Variants in GRAMD1B observed in about 807,000 individuals in gnomAD.
The protein encoded by GRAMD1B is GRAM domain containing 1B, also known as protein Aster-B.
A neutral mutation model predicts 99.7 loss-of-function variants in GRAMD1B; 37 were observed. The ratio of observed to expected loss-of-function variants is 0.37; its 90% CI spans 0.29 to 0.49. GRAMD1B has a LOEUF of 0.49. Ranked by LOEUF, GRAMD1B falls within the 20% of genes least tolerant of loss-of-function variation. The pLI, the probability that GRAMD1B is intolerant of heterozygous loss-of-function variation, is 0.98. For missense variants in GRAMD1B, 888 were observed against 1,009.2 expected, an observed-to-expected ratio of 0.88 and a Z score of 1.63; for synonymous variants, 427 against 387.6, an observed-to-expected ratio of 1.10 and a Z score of -1.19.
chr11:123,620,373 C>T (rs12362599), intron 19 of GRAMD1B, among the ~76,000 whole-genome samples: 1 of 139,466 alleles, frequency 7.2e-6, no homozygotes, highest in Non-Finnish European at 1.5e-5. Context: ...ACTTGGGAGG[C>T]TAAGGCAGGA....
At chr11:123,488,578 G>A (rs1256721276) in intron 2 of GRAMD1B, among the ~76,000 whole-genome samples, 21 of 152,204 alleles carry the variant, frequency 1.4e-4, no homozygotes, top group Admixed American at 1.4e-3. Flanking sequence ...ACAAGGCCAT[G>A]GGGGTGATGA....
intron 2 of GRAMD1B, among the ~76,000 whole-genome samples, chr11:123,545,242 C>G (rs1039022339): frequency 3.9e-5 from 6 of 152,244 alleles, no homozygotes; most frequent in Non-Finnish European, 7.3e-5. Flanking sequence ...ACTGCAGGCA[C>G]CCTTTCTCCA....
chr11:123,582,352 G>T (rs777307620), intron 3 of GRAMD1B, among the ~76,000 whole-genome samples: 1 of 152,192 alleles, frequency 6.6e-6, no homozygotes, highest in Non-Finnish European at 1.5e-5. Flanking sequence ...TTCAGGTCCC[G>T]GACTCCCATG....
chr11:123,371,303 C>T (rs761555422), intron 1 of GRAMD1B, among the ~76,000 whole-genome samples: 6 of 152,192 alleles, frequency 3.9e-5, no homozygotes, highest in Non-Finnish European at 5.9e-5. Context: ...ATAGGTCTCA[C>T]GGCCTGTCTG....
intron 2 of GRAMD1B, among the ~76,000 whole-genome samples, chr11:123,538,332 T>C (rs1379850905): frequency 6.6e-6 from 1 of 152,180 alleles, no homozygotes; most frequent in African/African-American, 2.4e-5. Flanking sequence ...ATTTATCACC[T>C]TCTAGTGTCT....
At chr11:123,608,906 C>G in intron 12 of GRAMD1B, 104 bp downstream of exon 12, 1 of 829,468 alleles carries the variant, frequency 1.2e-6, no homozygotes, top group Non-Finnish European at 1.9e-6. Context: ...TTCCACACAC[C>G]CTCCTTCCCT....
chr11:123,371,582 A>C (rs1383543398), intron 1 of GRAMD1B, among the ~76,000 whole-genome samples: 1 of 152,192 alleles, frequency 6.6e-6, no homozygotes, highest in Non-Finnish European at 1.5e-5. Flanking sequence ...ACTCCAGCCA[A>C]TTAATATCAT....
rs1324086972 is a variant in GRAMD1B, at chr11:123,591,836, A to G, written c.685-2246A>G. Reference sequence around the variant, plus strand: ...GGCTTGTGTTGGGAAGCCTGGATAAAGGAGTTTCCAGACTGGCTGACTTAG... The same window carrying G: ...GGCTTGTGTTGGGAAGCCTGGATAAGGGAGTTTCCAGACTGGCTGACTTAG... On this transcript the variant is annotated intron_variant, in intron 4 of 19. Coordinates refer to ENST00000635736, the MANE Select transcript of GRAMD1B (RefSeq NM_001387025.1). The surrounding 1 kb of genome is among the most constrained non-coding windows in gnomAD (Gnocchi z 4.7). 2.6e-5 allele frequency among the ~76,000 whole-genome samples: 4 copies of G among 152,136 alleles called. No individual in the cohort carries two copies. The highest frequency in any genetic ancestry group is 2.0e-4 in the Admixed American group (3 of 15,272).
At chr11:123,561,036 T>G (rs886826895) in intron 2 of GRAMD1B, among the ~76,000 whole-genome samples, 1 of 152,132 alleles carries the variant, frequency 6.6e-6, no homozygotes, top group Non-Finnish European at 1.5e-5. Flanking sequence ...GTAGCACTGC[T>G]TGAGCTGAGC....
chr11:123,459,716 A>C (rs757752945), intron 1 of GRAMD1B: 1 of 152,146 alleles, frequency 6.6e-6, no homozygotes. Context: ...TTCCCCTATG[A>C]TGTGAACTGG....
chr11:123,597,137 T>C (rs1337176798), intron 7 of GRAMD1B, among the ~76,000 whole-genome samples: 1 of 151,672 alleles, frequency 6.6e-6, no homozygotes, highest in African/African-American at 2.4e-5. Flanking sequence ...TCCTTTTTTT[T>C]TTTTTTTTTG....
intron 11 of GRAMD1B, among the ~76,000 whole-genome samples, chr11:123,607,234 A>G (rs1398594781): frequency 6.6e-6 from 1 of 152,208 alleles, no homozygotes; most frequent in Admixed American, 6.5e-5. Context: ...CTAGAAGAAA[A>G]GGTGTTGCTG....
intron 1 of GRAMD1B, among the ~76,000 whole-genome samples, chr11:123,390,855 C>T (rs975387485): frequency 3.3e-5 from 5 of 152,188 alleles, no homozygotes; most frequent in Non-Finnish European, 5.9e-5. Flanking sequence ...CCTTTCTTCC[C>T]ATCTCACTTG....
At chr11:123,472,735 G>A (rs977976264) in intron 1 of GRAMD1B, among the ~76,000 whole-genome samples, 9 of 152,134 alleles carry the variant, frequency 5.9e-5, no homozygotes, top group African/African-American at 1.9e-4. Context: ...AGCCCAGGGG[G>A]AAGGCTGGCC....
chr11:123,618,422 C>G lies in GRAMD1B; in HGVS notation c.2319-271C>G, dbSNP rs1720348. The G allele has an allele frequency of 4.4e-4, 638 of 1,438,142 alleles. 4 individuals are homozygous for G. Among genetic ancestry groups the G allele is most frequent in the Middle Eastern group, 3.7e-3 (21 of 5,742 alleles). The allele number at this position is 1,438,142 out of a possible 1,614,324, so 89.1% of individuals were successfully genotyped here. A position where few individuals can be genotyped will look rare whatever the true frequency, so the allele number is the denominator to read the frequency against. ...TTCCTCCCCACCGTACCTCTCTTCC[C>G]CCAGGTGCCCAGGTTCTGGGTGCCT... On this transcript the variant is annotated intron_variant, in intron 17 of 19. Transcript: ENST00000635736.
intron 2 of GRAMD1B, among the ~76,000 whole-genome samples, chr11:123,519,945 G>C (rs1942039685): frequency 6.6e-6 from 1 of 152,272 alleles, no homozygotes; most frequent in South Asian, 2.1e-4. Flanking sequence ...TGAGTTCACA[G>C]CTTCCAGGTT....
chr11:123,610,776 T>A lies in GRAMD1B; in HGVS notation c.1919+438T>A, dbSNP rs1269036197. ...TAAACCTGTGCTCTGTCCACCATGC[T>A]GCGTGGATTGCCATTAGTGTTAGAC... On this transcript the variant is annotated intron_variant, in intron 14 of 19. Transcript: ENST00000635736. The surrounding 1 kb of genome is among the most constrained non-coding windows in gnomAD (Gnocchi z 4.1). Among the ~76,000 whole-genome samples, 1 of 152,212 alleles carries A rather than the reference T, an allele frequency of 6.6e-6. No homozygotes were observed. The highest frequency in any genetic ancestry group is 1.5e-5 in the Non-Finnish European group (1 of 68,044).
chr11:123,505,553 A>G (rs775349810), intron 2 of GRAMD1B, among the ~76,000 whole-genome samples: 2 of 152,212 alleles, frequency 1.3e-5, no homozygotes, highest in Non-Finnish European at 2.9e-5. Flanking sequence ...ATCCCTTTAC[A>G]TATGTTATCT....
intron 2 of GRAMD1B, among the ~76,000 whole-genome samples, chr11:123,570,331 T>C (rs1947919682): frequency 1.3e-5 from 2 of 152,118 alleles, no homozygotes; most frequent in Admixed American, 1.3e-4. Flanking sequence ...AAGTGAGACT[T>C]GGGAGCATCA....
Sources: gnomAD v4.1 joint callset for allele counts (sites outside exome capture counted in the v4.1 genomes callset) on GRCh38, gnomAD v4.1.1 for gene constraint, Gnocchi (gnomAD v3.1) non-coding constraint, MANE v1.5 for transcripts, NCBI Gene and HGNC (gene_info 2026-07-23, HGNC 2026-07-21) for gene names.